Variants in RAB17 observed in about 807,000 individuals in gnomAD.
RAB17 encodes the protein RAB17, member RAS oncogene family.
In RAB17, 15 loss-of-function variants were observed where a neutral mutation model predicts 19.3. That is an observed-to-expected ratio of 0.78 (90% CI 0.52 to 1.20). The LOEUF is 1.20. RAB17 is among the 50% of genes most tolerant of loss of function. RAB17 has a pLI of 0.00. For missense variants in RAB17, 262 were observed against 269.3 expected (o/e 0.97, Z 0.19); for synonymous variants, 110 against 112.8 (o/e 0.97, Z 0.16).
chr2:237,586,504 T>TA (rs11447622), intron 1 of RAB17, among the ~76,000 whole-genome samples: 24,447 of 152,098 alleles, frequency 0.16, 3,838 homozygotes, highest in African/African-American at 0.41. Flanking sequence ...ACAAATCTAT[T>TA]ACTTGTCCCC....
At chr2:237,578,444 C>T (rs1026596410) in intron 2 of RAB17, 22 of 278,464 alleles carry the variant, frequency 7.9e-5, no homozygotes, top group Admixed American at 1.4e-4. Context: ...CTACATATGC[C>T]GTGAAAGGGA....
intron 4 of RAB17, 132 bp downstream of exon 4, chr2:237,577,125 G>T: frequency 1.9e-6 from 2 of 1,077,560 alleles, no homozygotes; most frequent in Non-Finnish European, 2.7e-6. Context: ...GTGTAGAGGT[G>T]TGTGTGCACA....
In RAB17 at chr2:237,574,954, C is replaced by T; in HGVS notation, c.*65G>A. On this transcript the variant is annotated 3_prime_UTR_variant, in exon 6 of 6. Coordinates refer to ENST00000264601, the MANE Select transcript of RAB17 (RefSeq NM_022449.4). ...CCAGCATTGACAGTGAATCAGAATC[C>T]ACCTAGAGCTGGCCATGGCCCAGGC... 8.1e-7 allele frequency: 1 copy of T among 1,240,890 alleles called. No homozygotes were observed. The allele number at this position is 1,240,890 out of a possible 1,614,324, so 76.9% of individuals were successfully genotyped here.
At chr2:237,580,858 A>G (rs1166703584) in intron 2 of RAB17, among the ~76,000 whole-genome samples, 3 of 152,204 alleles carry the variant, frequency 2.0e-5, no homozygotes, top group African/African-American at 7.2e-5. Context: ...AGTCCAAGCA[A>G]TGATAATGCA....
At chr2:237,581,672 A>T (rs955639949) in intron 2 of RAB17, among the ~76,000 whole-genome samples, 1 of 152,234 alleles carries the variant, frequency 6.6e-6, no homozygotes, top group Admixed American at 6.5e-5. Context: ...TTTTGTAAAA[A>T]TAGTGAGCTG....
chr2:237,588,733 C>T (rs565840980), intron 1 of RAB17, among the ~76,000 whole-genome samples: 63 of 152,306 alleles, frequency 4.1e-4, no homozygotes, highest in South Asian at 1.2e-3. Flanking sequence ...TTAAAATAAA[C>T]AGAGATACCC....
chr2:237,581,835 A>G (rs1372491712), intron 2 of RAB17, among the ~76,000 whole-genome samples: 1 of 152,242 alleles, frequency 6.6e-6, no homozygotes, highest in East Asian at 1.9e-4. Flanking sequence ...AAAAAGCCCA[A>G]CAAGTCTGGG....
chr2:237,583,553 A>G (rs2081324582), intron 2 of RAB17, among the ~76,000 whole-genome samples: 1 of 152,214 alleles, frequency 6.6e-6, no homozygotes, highest in African/African-American at 2.4e-5. Context: ...AGAGGTGCTC[A>G]ATACAAAAGT....
chr2:237,583,390 T>C (rs2081322935), intron 2 of RAB17, among the ~76,000 whole-genome samples: 1 of 152,236 alleles, frequency 6.6e-6, no homozygotes, highest in South Asian at 2.1e-4. Context: ...CAGTAATATC[T>C]ACCTCTAAAA....
chr2:237,586,059 C>A lies in RAB17; in HGVS notation c.96G>T (p.Lys32Asn), dbSNP rs1456078453. The change falls in exon 2 of 6, where the codon AAG becomes AAT. Residue 32 changes from lysine (K) to asparagine (N), a missense_variant. Transcript: ENST00000264601. ...TCACGTACCGAAGAGCCAAGCTGGA[C>A]TTACCCACGGAGCCACTTCCCAGGA... ...LVLLGSGSVG[K>N]SSLALRYVKN... The A allele has an allele frequency of 5.0e-6, 8 of 1,613,678 alleles. No individual in the cohort carries two copies. The highest frequency in any genetic ancestry group is 6.8e-6 in the Non-Finnish European group (8 of 1,179,822).
intron 5 of RAB17, 90 bp from the exon 6 acceptor site, chr2:237,575,218 C>T (rs2081252204): frequency 2.6e-6 from 3 of 1,172,302 alleles, no homozygotes; most frequent in East Asian, 2.5e-5. Flanking sequence ...GGACCCGCCC[C>T]TCCTGTGTTT....
Position 237,574,467 on chromosome 2 carries a change from G to A in RAB17, c.*552C>T. The A allele has an allele frequency of 6.4e-7, 1 of 1,550,740 alleles. No homozygotes were observed. Among genetic ancestry groups the A allele is most frequent in the South Asian group, 1.2e-5 (1 of 84,016 alleles). On this transcript the variant is annotated 3_prime_UTR_variant, in exon 6 of 6. Coordinates refer to ENST00000264601, the MANE Select transcript of RAB17 (RefSeq NM_022449.4). ...TTGCCAGCCGGGAGACCATGGAAGG[G>A]AACTGGCGCCACTGCCCCCAGCTGC...
intron 2 of RAB17, among the ~76,000 whole-genome samples, chr2:237,583,827 G>A (rs2081327214): frequency 6.6e-6 from 1 of 152,092 alleles, no homozygotes; most frequent in East Asian, 1.9e-4. Context: ...TTGGAGGAAG[G>A]GAGGCCCTGG....
At chr2:237,580,088 A>C (rs1004895243) in intron 2 of RAB17, among the ~76,000 whole-genome samples, 1 of 152,210 alleles carries the variant, frequency 6.6e-6, no homozygotes, top group Admixed American at 6.5e-5. Context: ...ATGTACACCC[A>C]TCAGCTGATC....
chr2:237,589,985 C>T (rs2081380773), intron 1 of RAB17, among the ~76,000 whole-genome samples: 3 of 152,094 alleles, frequency 2.0e-5, no homozygotes. Context: ...AGAGGTACAC[C>T]TGTACATTGC....
At position 237,578,116 on chromosome 2, in the gene RAB17, G is replaced by C; in HGVS notation, c.197C>G (p.Ser66Cys). ...FTKVVDVGAT[S>C]LKLEIWDTAG... ...TGTGTCCCAGATCTCAAGCTTCAGA[G>C]AGGTGGCACCCACATCCACCACCTT... is the stretch of plus-strand genomic sequence containing the variant. The change falls in exon 3 of 6, where the codon TCT (serine) becomes TGT (cysteine). Residue 66 changes from serine to cysteine, a missense_variant. Transcript: ENST00000264601. The C allele has an allele frequency of 6.2e-7, 1 of 1,613,764 alleles. No individual in the cohort carries two copies. The highest frequency in any genetic ancestry group is 1.7e-5 in the Admixed American group (1 of 60,010).
intron 2 of RAB17, among the ~76,000 whole-genome samples, chr2:237,581,298 C>T (rs2149185530): frequency 6.6e-6 from 1 of 151,442 alleles, no homozygotes; most frequent in African/African-American, 2.4e-5. Context: ...TGCTTGAGCC[C>T]AGGAGGTTGA....
chr2:237,583,523 C>T (rs2081324289), intron 2 of RAB17, among the ~76,000 whole-genome samples: 1 of 152,192 alleles, frequency 6.6e-6, no homozygotes, highest in South Asian at 2.1e-4. Context: ...CCCCGCAACC[C>T]GGCACAGCTG....
intron 4 of RAB17, chr2:237,576,584 G>A (rs768791965): frequency 1.0e-4 from 48 of 471,148 alleles, no homozygotes; most frequent in African/African-American, 4.2e-4. Context: ...TGGGAGGCGC[G>A]CCCGTCGGTC....
Sources: gnomAD v4.1 joint callset for allele counts (sites outside exome capture counted in the v4.1 genomes callset) on GRCh38, gnomAD v4.1.1 for gene constraint, MANE v1.5 for transcripts, NCBI Gene and HGNC (gene_info 2026-07-23, HGNC 2026-07-21) for gene names.